The following TMEM26 variants were observed in gnomAD, a reference collection of about 807,000 sequenced individuals.
TMEM26 encodes the protein transmembrane protein 26.
Under a neutral mutation model 28.8 loss-of-function variants are expected in TMEM26, and 38 were observed. The observed-to-expected ratio is 1.32, with a 90% CI of 1.02 to 1.73. TMEM26 has a LOEUF of 1.73. Ranked by LOEUF, TMEM26 falls within the 40% of genes most tolerant of loss-of-function variation. The probability of loss-of-function intolerance (pLI) is 0.00; values close to 1 mark genes in which losing one functional copy is unlikely to be tolerated. For synonymous variants in TMEM26, 227 were observed against 182.9 expected (o/e 1.24, Z -1.95); for missense variants, 518 against 447.1 (o/e 1.16, Z -1.43).
rs961091575 is a variant in TMEM26 at position 61,409,925 on chromosome 10, A to T, written c.*397T>A. 1 of 188,934 alleles carries T rather than the reference A, an allele frequency of 5.3e-6. No homozygotes were observed. The highest frequency in any genetic ancestry group is 5.3e-5 in the Admixed American group (1 of 18,724). The allele number at this position is 188,934 out of a possible 1,614,324, so 11.7% of individuals were successfully genotyped here. A position where few individuals can be genotyped will look rare whatever the true frequency, so the allele number is the denominator to read the frequency against. ...TTTGATGTCAGAGGAACATTGCAGA[A>T]AAGATCAGACGAAATAGTCTGACAA... On this transcript the variant is annotated 3_prime_UTR_variant, in exon 6 of 6. Transcript: ENST00000399298.
At chr10:61,449,777 G>A (rs992753703) in intron 1 of TMEM26, among the ~76,000 whole-genome samples, 1 of 151,882 alleles carries the variant, frequency 6.6e-6, no homozygotes, top group Non-Finnish European at 1.5e-5. Context: ...CAATATGGAA[G>A]GTTTTTTTTT....
At chr10:61,440,592 C>T (rs1008522810) in intron 1 of TMEM26, among the ~76,000 whole-genome samples, 1 of 151,872 alleles carries the variant, frequency 6.6e-6, no homozygotes, top group African/African-American at 2.4e-5. Flanking sequence ...AGAAATACCC[C>T]CTCTCTCTTA....
intron 4 of TMEM26, among the ~76,000 whole-genome samples, chr10:61,422,227 A>G (rs182052836): frequency 6.6e-6 from 1 of 152,258 alleles, no homozygotes; most frequent in East Asian, 1.9e-4. Context: ...TCAGTGTTCT[A>G]CTTTCAGGAA....
intron 4 of TMEM26, chr10:61,415,188 A>G (rs1839631609): frequency 2.0e-6 from 2 of 981,666 alleles, no homozygotes; most frequent in Non-Finnish European, 2.4e-6. Context: ...TAGAAGAAAG[A>G]GCATTTCACA....
At chr10:61,414,095 A>G in intron 4 of TMEM26, 1 of 974,258 alleles carries the variant, frequency 1.0e-6, no homozygotes, top group Non-Finnish European at 1.2e-6. Context: ...AGCCTATTTC[A>G]TTCACCACTG....
At chr10:61,412,151 AT>A (rs1839577744) in intron 5 of TMEM26, among the ~76,000 whole-genome samples, 1 of 152,190 alleles carries the variant, frequency 6.6e-6, no homozygotes, top group African/African-American at 2.4e-5. Flanking sequence ...AAAGGTATTA[AT>A]TCAGTATCTA....
At chr10:61,414,071 T>A in intron 4 of TMEM26, 1 of 985,688 alleles carries the variant, frequency 1.0e-6, no homozygotes, top group Non-Finnish European at 1.2e-6. Context: ...TAGTAGGACA[T>A]AAAGCAAGGA....
At chr10:61,422,971 C>G (rs963173601) in intron 4 of TMEM26, among the ~76,000 whole-genome samples, 1 of 151,840 alleles carries the variant, frequency 6.6e-6, no homozygotes, top group Non-Finnish European at 1.5e-5. Flanking sequence ...CCTAAAAATA[C>G]AAGATAAAAG....
chr10:61,448,684 A>G (rs1021198152), intron 1 of TMEM26, among the ~76,000 whole-genome samples: 1 of 147,278 alleles, frequency 6.8e-6, no homozygotes, highest in Non-Finnish European at 1.5e-5. Context: ...CTTGCTCATT[A>G]AGCAATTCAA....
Position 61,431,473 on chromosome 10 carries a change from C to T in TMEM26, c.271-141G>A, listed in dbSNP as rs949123364. ...CATATATATAAACATTTCCAAAAAT[C>T]GGAATATAGGCCTGAGATTGAAAAC... On this transcript the variant is annotated intron_variant, in intron 2 of 5. Coordinates refer to ENST00000399298, the MANE Select transcript of TMEM26 (RefSeq NM_178505.8). The T allele has an allele frequency of 4.1e-5, 22 of 535,082 alleles. 1 individual carries two copies. The highest frequency in any genetic ancestry group is 2.8e-4 in the Middle Eastern group (1 of 3,536). 33.1% of individuals were successfully genotyped at this position (535,082 alleles called of 1,614,324 possible).
chr10:61,452,534 G>A (rs1840305403), intron 1 of TMEM26: 1 of 224,342 alleles, frequency 4.5e-6, no homozygotes, highest in South Asian at 8.9e-5. Flanking sequence ...CCCAGTTTCA[G>A]AAGGCACACT....
At chr10:61,419,029 C>A (rs947725363) in intron 4 of TMEM26, among the ~76,000 whole-genome samples, 1 of 152,072 alleles carries the variant, frequency 6.6e-6, no homozygotes, top group Non-Finnish European at 1.5e-5. Context: ...ACTACATAGC[C>A]ATAGGTGTGA....
chr10:61,411,135 A>G (rs1001801895), intron 5 of TMEM26, among the ~76,000 whole-genome samples: 4 of 152,232 alleles, frequency 2.6e-5, no homozygotes, highest in African/African-American at 7.2e-5. Flanking sequence ...AGTGTAAGGA[A>G]GCCTCACAGT....
At chr10:61,448,782 A>T (rs1279239564) in intron 1 of TMEM26, among the ~76,000 whole-genome samples, 1 of 152,192 alleles carries the variant, frequency 6.6e-6, no homozygotes, top group Non-Finnish European at 1.5e-5. Context: ...ATTATTTATT[A>T]ACTCACAAAT....
intron 1 of TMEM26, among the ~76,000 whole-genome samples, chr10:61,442,990 C>T (rs1330663733): frequency 6.6e-6 from 1 of 152,134 alleles, no homozygotes; most frequent in Non-Finnish European, 1.5e-5. Context: ...TGATCCCAGC[C>T]ACCACCCATT....
intron 1 of TMEM26, among the ~76,000 whole-genome samples, chr10:61,448,017 G>T (rs560622547): frequency 8.7e-4 from 132 of 152,378 alleles, no homozygotes; most frequent in Admixed American, 1.4e-3. Flanking sequence ...AATTTTGCCT[G>T]TTTATTCACT....
At position 61,407,286 on chromosome 10, in the gene TMEM26, A is replaced by C. The variant is rs1839508768; in HGVS notation, c.*3036T>G. 6.6e-6 allele frequency: 1 copy of C among 152,186 alleles called. No homozygotes were observed. The highest frequency in any genetic ancestry group is 1.5e-5 in the Non-Finnish European group (1 of 68,018). 9.4% of individuals were successfully genotyped at this position (152,186 alleles called of 1,614,324 possible). On this transcript the variant is annotated 3_prime_UTR_variant, in exon 6 of 6. Transcript: ENST00000399298. Reference sequence around the variant, plus strand: ...TAATGAGTTAACAATTAGTATTATAATAGTGAATCCTGCTATTCCTTGGCC... The same window carrying C: ...TAATGAGTTAACAATTAGTATTATACTAGTGAATCCTGCTATTCCTTGGCC...
At position 61,408,907 on chromosome 10, in the gene TMEM26, T is replaced by C. The variant is rs1239970148; in HGVS notation, c.*1415A>G. ...GTTTGTATAAAATGTTTCGAATAGG[T>C]ATCATGTCACCCAGAGAGTTACAGA... On this transcript the variant is annotated 3_prime_UTR_variant, in exon 6 of 6. Transcript: ENST00000399298. 6.6e-6 allele frequency: 1 copy of C among 152,198 alleles called. No homozygotes were observed. Among genetic ancestry groups the C allele is most frequent in the Non-Finnish European group, 1.5e-5 (1 of 68,036 alleles). The allele number at this position is 152,198 out of a possible 1,614,324, so 9.4% of individuals were successfully genotyped here.
chr10:61,448,709 T>C (rs1174733401), intron 1 of TMEM26, among the ~76,000 whole-genome samples: 1 of 151,990 alleles, frequency 6.6e-6, no homozygotes, highest in Non-Finnish European at 1.5e-5. Flanking sequence ...ACTTGTCTGA[T>C]TGAACTTAAT....
Sources: gnomAD v4.1 joint callset for allele counts (sites outside exome capture counted in the v4.1 genomes callset) on GRCh38, gnomAD v4.1.1 for gene constraint, MANE v1.5 for transcripts, NCBI Gene and HGNC (gene_info 2026-07-23, HGNC 2026-07-21) for gene names.